Variants in RNF111 observed in about 807,000 individuals in gnomAD.
The protein encoded by RNF111 is ring finger protein 111.
In RNF111, 17 loss-of-function variants were observed where a neutral mutation model predicts 95.1. The observed-to-expected ratio is 0.18, with a 90% CI of 0.12 to 0.27. RNF111 has a LOEUF of 0.27. RNF111 is among the 10% of genes least tolerant of loss of function. The pLI is 1.00. For synonymous variants in RNF111, 440 were observed against 414.8 expected (o/e 1.06, Z -0.74); for missense variants, 1,189 against 1,210.4 (o/e 0.98, Z 0.26).
chr15:59,050,787 T>G (rs1041370823), intron 2 of RNF111, among the ~76,000 whole-genome samples: 1 of 152,228 alleles, frequency 6.6e-6, no homozygotes, highest in Non-Finnish European at 1.5e-5. Flanking sequence ...GAGCACTTAA[T>G]GTGTTATACC....
At chr15:59,082,680 G>C (rs1414552300) in intron 8 of RNF111, among the ~76,000 whole-genome samples, 1 of 152,152 alleles carries the variant, frequency 6.6e-6, no homozygotes, top group East Asian at 1.9e-4. Flanking sequence ...AAGCTGAGTA[G>C]TTACAACAGA....
At chr15:59,044,801 A>G (rs1055404752) in intron 2 of RNF111, among the ~76,000 whole-genome samples, 1 of 152,226 alleles carries the variant, frequency 6.6e-6, no homozygotes, top group Non-Finnish European at 1.5e-5. Flanking sequence ...GATTAACTTT[A>G]TAATTTTTGA....
intron 1 of RNF111, among the ~76,000 whole-genome samples, chr15:58,995,244 A>C (rs1951637605): frequency 6.6e-6 from 1 of 152,196 alleles, no homozygotes; most frequent in South Asian, 2.1e-4. Flanking sequence ...ATGGTTGGAA[A>C]GTGTTTATTT....
chr15:58,991,121 G>A (rs902954638), intron 1 of RNF111, among the ~76,000 whole-genome samples: 5 of 151,884 alleles, frequency 3.3e-5, no homozygotes, highest in African/African-American at 9.7e-5. Flanking sequence ...GTGAAACCCC[G>A]TCTGTACTAA....
At chr15:59,017,735 T>G (rs1476017300) in intron 1 of RNF111, among the ~76,000 whole-genome samples, 1 of 150,858 alleles carries the variant, frequency 6.6e-6, no homozygotes, top group African/African-American at 2.4e-5. Flanking sequence ...CCAGGTTTGT[T>G]ACATTATTTG....
chr15:59,027,821 C>T (rs1161155162), intron 1 of RNF111, among the ~76,000 whole-genome samples: 2 of 151,092 alleles, frequency 1.3e-5, no homozygotes, highest in Non-Finnish European at 2.9e-5. Context: ...GCGTGAGCCA[C>T]TGCACCTGGC....
intron 7 of RNF111, among the ~76,000 whole-genome samples, chr15:59,079,492 A>G (rs1399989444): frequency 3.9e-5 from 6 of 152,254 alleles, no homozygotes; most frequent in African/African-American, 1.4e-4. Flanking sequence ...CTTTGAAAAT[A>G]TAGTTGAGTT....
rs1253318611 is a variant in RNF111 at position 59,096,757 on chromosome 15, C to A, written c.*1857C>A. ...CTTACTGGGGAAAAGAGCAAGTAGC[C>A]TGTCTTCCTTTAAGTAAGTAGCCTG... On this transcript the variant is annotated 3_prime_UTR_variant, in exon 14 of 14. Transcript: ENST00000348370. The A allele has an allele frequency of 6.6e-6, 1 of 152,224 alleles. No homozygotes were observed. Among genetic ancestry groups the A allele is most frequent in the Non-Finnish European group, 1.5e-5 (1 of 68,060 alleles). 9.4% of individuals were successfully genotyped at this position (152,224 alleles called of 1,614,324 possible).
At chr15:59,078,962 A>T (rs1321246926) in intron 7 of RNF111, among the ~76,000 whole-genome samples, 2 of 152,222 alleles carry the variant, frequency 1.3e-5, no homozygotes, top group Non-Finnish European at 2.9e-5. Flanking sequence ...TGCAGTGAGT[A>T]AATGTTGGAA....
chr15:59,006,892 T>G (rs2039565487), intron 1 of RNF111, among the ~76,000 whole-genome samples: 1 of 152,138 alleles, frequency 6.6e-6, no homozygotes, highest in Non-Finnish European at 1.5e-5. Context: ...GTTCAAGCAG[T>G]TCTCTGCCTC....
At chr15:59,003,139 A>G (rs1174400166) in intron 1 of RNF111, among the ~76,000 whole-genome samples, 3 of 152,118 alleles carry the variant, frequency 2.0e-5, no homozygotes, top group Non-Finnish European at 4.4e-5. Context: ...TTTTCGAGAC[A>G]AGGTCTCACT....
intron 1 of RNF111, among the ~76,000 whole-genome samples, chr15:58,997,921 T>C (rs2039152533): frequency 6.6e-6 from 1 of 151,910 alleles, no homozygotes; most frequent in Non-Finnish European, 1.5e-5. Context: ...TTTGTTTTTT[T>C]TGAAGCTGAG....
chr15:59,025,456 G>A (rs984889855), intron 1 of RNF111, among the ~76,000 whole-genome samples: 1 of 152,152 alleles, frequency 6.6e-6, no homozygotes, highest in South Asian at 2.1e-4. Flanking sequence ...CATATTGTCT[G>A]TATTATCTAG....
intron 10 of RNF111, among the ~76,000 whole-genome samples, chr15:59,088,832 T>C (rs1596312376): frequency 1.3e-5 from 2 of 152,336 alleles, no homozygotes; most frequent in Non-Finnish European, 2.9e-5. Flanking sequence ...CTGTAACTCA[T>C]GCGTGAATGA....
intron 2 of RNF111, 59 bp from the exon 3 acceptor site, chr15:59,052,246 C>T: frequency 6.4e-6 from 9 of 1,412,556 alleles, no homozygotes; most frequent in African/African-American, 1.5e-5. Context: ...ATAAAAATTT[C>T]TGCCTAACGA....
intron 1 of RNF111, among the ~76,000 whole-genome samples, chr15:59,010,886 T>G (rs548326150): frequency 6.6e-6 from 1 of 152,210 alleles, no homozygotes; most frequent in South Asian, 2.1e-4. Context: ...TGTTATTTAA[T>G]TGGAATGAAT....
intron 10 of RNF111, among the ~76,000 whole-genome samples, chr15:59,088,087 T>G: frequency 6.6e-6 from 1 of 152,168 alleles, no homozygotes; most frequent in Non-Finnish European, 1.5e-5. Context: ...GTAGAGAATT[T>G]AGGTTTGGAA....
rs772196819 is a variant in RNF111 at position 59,035,210 on chromosome 15, C to T, written c.880+3508C>T. 4.6e-5 allele frequency among the ~76,000 whole-genome samples: 7 copies of T among 152,114 alleles called. No individual in the cohort carries two copies. The South Asian group carries it at 6.2e-4, about 13-fold the overall frequency. On this transcript the variant is annotated intron_variant, in intron 2 of 13. Transcript: ENST00000348370. ...TGTCCACCTGGCCCTGTCCATGACA[C>T]GTGGGAATTATTATAAGTCAAGGTG... is the stretch of plus-strand genomic sequence containing the variant.
chr15:59,091,264 G>A, intron 12 of RNF111, 110 bp downstream of exon 12: 1 of 570,504 alleles, frequency 1.8e-6, no homozygotes, highest in Non-Finnish European at 3.0e-6. Flanking sequence ...TTGAAGTAAT[G>A]CATACATATT....
Sources: allele counts gnomAD v4.1 joint callset (sites outside exome capture counted in the v4.1 genomes callset), GRCh38; gene constraint gnomAD v4.1.1; transcripts MANE v1.5; gene names NCBI Gene and HGNC (gene_info 2026-07-23, HGNC 2026-07-21).